The following UBE3A variants were observed in gnomAD, a reference collection of about 807,000 sequenced individuals.
UBE3A encodes the protein ubiquitin protein ligase E3A.
UBE3A carries 6 observed loss-of-function variants against 83.4 expected under a neutral mutation model. That is an observed-to-expected ratio of 0.07 (90% CI 0.04 to 0.14). The LOEUF (loss-of-function observed/expected upper bound fraction) is 0.14, where lower values mean the gene tolerates loss of function less well. UBE3A is among the 10% of genes least tolerant of loss of function. The probability of loss-of-function intolerance (pLI) is 1.00; values close to 1 mark genes in which losing one functional copy is unlikely to be tolerated. For missense variants in UBE3A, 456 were observed against 1,036.1 expected (o/e 0.44, Z 7.69); for synonymous variants, 337 against 355.4 (o/e 0.95, Z 0.58).
chr15:25,363,236 C>A (rs182678474), intron 6 of UBE3A, among the ~76,000 whole-genome samples: 102 of 151,970 alleles, frequency 6.7e-4, no homozygotes, highest in African/African-American at 2.4e-3. Context: ...AACTTTACCT[C>A]TCTTATTTCA....
At chr15:25,398,167 C>CAAAAAAAAAAAAAAAAAAA (rs71127052) in intron 4 of UBE3A, among the ~76,000 whole-genome samples, 1 of 99,210 alleles carries the variant, frequency 1.0e-5, no homozygotes, top group African/African-American at 5.4e-5. Flanking sequence ...GACTCTGTCT[C>CAAAAAAAAAAAAAAAAAAA]AAAAAAAAAA....
rs769775137 is a variant in UBE3A at position 25,370,950 on chromosome 15, T to G, written c.1224A>C (p.Glu408Asp). The change falls in exon 6 of 13, where the codon GAA becomes GAC. Residue 408 changes from glutamate (E) to aspartate (D), a missense_variant. Glu to Asp is a conservative substitution (Grantham distance 45, BLOSUM62 2). Transcript: ENST00000648336. This position sits in a 1 kb window ranked among gnomAD's most constrained non-coding sequence, Gnocchi z 4.2. ...TGTTTCTTCTTTCTTCTCCCAAAAGTTCCTGAAGTGTCAGCTCGCTGGACT... is the reference window on the plus strand; with the variant it reads ...TGTTTCTTCTTTCTTCTCCCAAAAGGTCCTGAAGTGTCAGCTCGCTGGACT... ...IPESSELTLQELLGEERRNKK... is the reference protein window; with the variant it reads ...IPESSELTLQDLLGEERRNKK... The G allele has an allele frequency of 1.9e-6, 3 of 1,614,094 alleles. No individual in the cohort carries two copies. Among genetic ancestry groups the G allele is most frequent in the Non-Finnish European group, 2.5e-6 (3 of 1,180,006 alleles).
intron 6 of UBE3A, among the ~76,000 whole-genome samples, chr15:25,367,327 T>TA (rs141567920): frequency 0.21 from 30,592 of 148,518 alleles, 4,746 homozygotes; most frequent in African/African-American, 0.41. Flanking sequence ...ATATTTATAT[T>TA]AAAAATGTAA....
chr15:25,364,612 T>A (rs900534758), intron 6 of UBE3A, among the ~76,000 whole-genome samples: 1 of 151,516 alleles, frequency 6.6e-6, no homozygotes, highest in East Asian at 1.9e-4. Flanking sequence ...TTATTTACAA[T>A]ACACACGTGG....
intron 2 of UBE3A, among the ~76,000 whole-genome samples, chr15:25,409,823 T>C (rs1452148017): frequency 1.3e-5 from 2 of 152,142 alleles, no homozygotes; most frequent in African/African-American, 4.8e-5. Context: ...GGAATAGTTA[T>C]ATACATACAC....
At chr15:25,401,890 T>C (rs2087214676) in intron 4 of UBE3A, among the ~76,000 whole-genome samples, 1 of 152,200 alleles carries the variant, frequency 6.6e-6, no homozygotes, top group Non-Finnish European at 1.5e-5. Context: ...GCTTCAGAAT[T>C]TGTTAAAAAA....
At position 25,399,380 on chromosome 15, in the gene UBE3A, A is replaced by T. The variant is rs113894975; in HGVS notation, c.62+6081T>A. Among the ~76,000 whole-genome samples, 311 of 152,256 alleles carry T rather than the reference A, an allele frequency of 2.0e-3. 4 individuals are homozygous for T. The highest frequency in any genetic ancestry group is 7.1e-3 in the African/African-American group (297 of 41,552). Reference sequence around the variant, plus strand: ...TAATCCATTTTAACTTGAATTTGGTATATGATGTGAGATACAGGTCTGATT... The same window carrying T: ...TAATCCATTTTAACTTGAATTTGGTTTATGATGTGAGATACAGGTCTGATT... On this transcript the variant is annotated intron_variant, in intron 4 of 12. Transcript: ENST00000648336.
At chr15:25,339,364 A>AACTAT in intron 12 of UBE3A, 107 bp from the exon 13 acceptor site, 4 of 1,378,002 alleles carry the variant, frequency 2.9e-6, no homozygotes, top group African/African-American at 1.4e-5. Flanking sequence ...GACGGTCTGC[A>AACTAT]ATGCAAACTA....
In UBE3A at chr15:25,370,251, C is replaced by T. The variant is rs543221237; in HGVS notation, c.1608+315G>A. 1.6e-4 allele frequency among the ~76,000 whole-genome samples: 25 copies of T among 152,288 alleles called. No homozygotes were observed. Among genetic ancestry groups the T allele is most frequent in the African/African-American group, 5.5e-4 (23 of 41,562 alleles). ...CTTATTATTGGGTATCTCCACATTTCTCTTGTTCTGGTCTTTGTCCAACAC... is the reference window on the plus strand; with the variant it reads ...CTTATTATTGGGTATCTCCACATTTTTCTTGTTCTGGTCTTTGTCCAACAC... On this transcript the variant is annotated intron_variant, in intron 6 of 12. Transcript: ENST00000648336. The surrounding 1 kb of genome is among the most constrained non-coding windows in gnomAD (Gnocchi z 4.2).
At chr15:25,402,564 C>T (rs2087419761) in intron 4 of UBE3A, among the ~76,000 whole-genome samples, 1 of 152,142 alleles carries the variant, frequency 6.6e-6, no homozygotes, top group Non-Finnish European at 1.5e-5. Context: ...GGTGGGCCTC[C>T]AAGCTTGGTT....
chr15:25,423,143 T>C (rs1172571251), intron 1 of UBE3A, among the ~76,000 whole-genome samples: 3 of 152,120 alleles, frequency 2.0e-5, no homozygotes. Flanking sequence ...TAGGTAGAGA[T>C]AATATTTGCA....
At chr15:25,405,365 T>C in intron 4 of UBE3A, 96 bp downstream of exon 4, 1 of 1,417,922 alleles carries the variant, frequency 7.1e-7, no homozygotes, top group East Asian at 2.3e-5. Context: ...ATTCCTTTCT[T>C]TTAACCAGAA....
chr15:25,387,929 T>C (rs1180534422), intron 4 of UBE3A, among the ~76,000 whole-genome samples: 1 of 152,160 alleles, frequency 6.6e-6, no homozygotes, highest in African/African-American at 2.4e-5. Context: ...AGAAATAATC[T>C]TGATTAAAAA....
At chr15:25,406,795 C>T (rs2088680792) in intron 3 of UBE3A, among the ~76,000 whole-genome samples, 1 of 142,130 alleles carries the variant, frequency 7.0e-6, no homozygotes, top group South Asian at 2.4e-4. Context: ...ACTTCTTTAT[C>T]AGACTCTCAA....
chr15:25,375,650 C>T lies in UBE3A; in HGVS notation c.176G>A (p.Arg59His), dbSNP rs587784511. The change falls in exon 5 of 13, where the codon CGT (arginine) becomes CAT (histidine). Residue 59 changes from arginine (R) to histidine (H), a missense_variant. By Grantham distance (29) the Arg-to-His change is conservative. Coordinates refer to ENST00000648336, the MANE Select transcript of UBE3A (RefSeq NM_130839.5). ...EFCASCPTFL[R>H]MDNNAAAIKA... ...AATAGCTGCTGCATTATTATCCATACGAAGAAAAGTTGGACAGGAAGCACA... is the reference window on the plus strand; with the variant it reads ...AATAGCTGCTGCATTATTATCCATATGAAGAAAAGTTGGACAGGAAGCACA... 3.1e-6 allele frequency: 5 copies of T among 1,613,958 alleles called. No homozygotes were observed. The highest frequency in any genetic ancestry group is 1.7e-5 in the Admixed American group (1 of 59,990).
intron 4 of UBE3A, among the ~76,000 whole-genome samples, chr15:25,394,038 C>G (rs2340625): frequency 0.17 from 26,320 of 152,194 alleles, 2,986 homozygotes; most frequent in Non-Finnish European, 0.27. Flanking sequence ...GCCTAGAACA[C>G]TATGATTCTT....
chr15:25,363,394 C>T (rs2078452901), intron 6 of UBE3A, among the ~76,000 whole-genome samples: 1 of 152,146 alleles, frequency 6.6e-6, no homozygotes, highest in African/African-American at 2.4e-5. Flanking sequence ...CCTACCATAG[C>T]ATTATAGAAC....
chr15:25,429,704 T>C (rs1892485258), intron 1 of UBE3A, among the ~76,000 whole-genome samples: 2 of 151,514 alleles, frequency 1.3e-5, no homozygotes, highest in Admixed American at 6.6e-5. Context: ...CAAACAAACA[T>C]TTTTTTAAGA....
At chr15:25,412,368 A>C (rs367666685) in intron 1 of UBE3A, among the ~76,000 whole-genome samples, 19 of 152,316 alleles carry the variant, frequency 1.2e-4, no homozygotes, top group African/African-American at 4.1e-4. Context: ...GTTAGGTACA[A>C]ATCTGGGCAT....
Sources: gnomAD v4.1 joint callset for allele counts (sites outside exome capture counted in the v4.1 genomes callset) on GRCh38, gnomAD v4.1.1 for gene constraint, Gnocchi (gnomAD v3.1) non-coding constraint, MANE v1.5 for transcripts, NCBI Gene and HGNC (gene_info 2026-07-23, HGNC 2026-07-21) for gene names.